RPS6KC1: variants seen among roughly 807,000 people sequenced by gnomAD.
The protein encoded by RPS6KC1 is inactive ribosomal protein S6 kinase delta-1.
A neutral mutation model predicts 103.8 loss-of-function variants in RPS6KC1; 54 were observed. That is an observed-to-expected ratio of 0.52 (90% CI 0.42 to 0.65). RPS6KC1 has a LOEUF of 0.65. Among genes scored for constraint, RPS6KC1 ranks in the 30% least tolerant of loss-of-function variants. The pLI is 0.00. For synonymous variants in RPS6KC1, 439 were observed against 438.7 expected (o/e 1.00, Z -0.01); for missense variants, 1,151 against 1,253.8 (o/e 0.92, Z 1.24).
the RPS6KC1 span, among the ~76,000 whole-genome samples, chr1:213,633,664 A>G: frequency 6.6e-6 from 1 of 151,906 alleles, no homozygotes; most frequent in Non-Finnish European, 1.5e-5. Flanking sequence ...ACCACCTAAT[A>G]TCATAATGAC....
the RPS6KC1 span, among the ~76,000 whole-genome samples, chr1:213,478,342 G>A: frequency 6.6e-6 from 1 of 152,154 alleles, no homozygotes; most frequent in East Asian, 1.9e-4. Context: ...TTTTTGTATG[G>A]ATATAATTTT....
At chr1:213,316,689 G>A in the RPS6KC1 span, among the ~76,000 whole-genome samples, 1 of 149,202 alleles carries the variant, frequency 6.7e-6, no homozygotes, top group East Asian at 1.9e-4. Context: ...AGCAAGGTAG[G>A]TAGGGCATGC....
chr1:213,791,862 G>A, the RPS6KC1 span, among the ~76,000 whole-genome samples: 1 of 152,070 alleles, frequency 6.6e-6, no homozygotes, highest in East Asian at 1.9e-4. Context: ...TTGCTTGTTG[G>A]CATTACCTAC....
chr1:213,549,284 C>A, the RPS6KC1 span, among the ~76,000 whole-genome samples: 1 of 152,122 alleles, frequency 6.6e-6, no homozygotes, highest in Non-Finnish European at 1.5e-5. Flanking sequence ...GAGGAAGGCC[C>A]TCGGTGGAGA....
chr1:213,365,668 A>T, the RPS6KC1 span, among the ~76,000 whole-genome samples: 4 of 152,238 alleles, frequency 2.6e-5, no homozygotes, highest in Admixed American at 1.3e-4. Context: ...TGGGGCTTCC[A>T]GTCCAACAGG....
chr1:213,557,401 G>A, the RPS6KC1 span, among the ~76,000 whole-genome samples: 2 of 152,132 alleles, frequency 1.3e-5, no homozygotes, highest in African/African-American at 4.8e-5. Flanking sequence ...TGGGAGCTTG[G>A]GTGTGTGGAC....
At chr1:213,750,779 C>T in the RPS6KC1 span, among the ~76,000 whole-genome samples, 1 of 152,126 alleles carries the variant, frequency 6.6e-6, no homozygotes, top group African/African-American at 2.4e-5. Flanking sequence ...AACACTTACA[C>T]CCACATATGG....
the RPS6KC1 span, among the ~76,000 whole-genome samples, chr1:213,698,869 C>A: frequency 6.6e-6 from 1 of 151,200 alleles, no homozygotes; most frequent in East Asian, 1.9e-4. Flanking sequence ...TATTAATATC[C>A]CCTTTGTCTT....
At chr1:213,788,526 T>G in the RPS6KC1 span, among the ~76,000 whole-genome samples, 1 of 152,058 alleles carries the variant, frequency 6.6e-6, no homozygotes, top group Admixed American at 6.6e-5. Flanking sequence ...GAAATTCCAT[T>G]TCTTCCCCTG....
At chr1:213,417,516 G>T in the RPS6KC1 span, among the ~76,000 whole-genome samples, 3 of 152,142 alleles carry the variant, frequency 2.0e-5, no homozygotes, top group African/African-American at 2.4e-5. Flanking sequence ...GATGGGGAAG[G>T]TGCAGCCCCC....
At chr1:213,290,480 G>T in the RPS6KC1 span, among the ~76,000 whole-genome samples, 1 of 152,180 alleles carries the variant, frequency 6.6e-6, no homozygotes, top group African/African-American at 2.4e-5. Flanking sequence ...TGGGTGGCAG[G>T]ATGTTTGTGT....
At chr1:213,681,193 T>C in the RPS6KC1 span, among the ~76,000 whole-genome samples, 1 of 152,148 alleles carries the variant, frequency 6.6e-6, no homozygotes, top group African/African-American at 2.4e-5. Flanking sequence ...CTCTGCTCTG[T>C]TCCCCAGACA....
chr1:213,622,343 CAG>C, the RPS6KC1 span, among the ~76,000 whole-genome samples: 1 of 151,256 alleles, frequency 6.6e-6, no homozygotes, highest in African/African-American at 2.4e-5. Flanking sequence ...TTTCTGCTAT[CAG>C]GGGCATTTAT....
At chr1:213,574,257 G>A in the RPS6KC1 span, among the ~76,000 whole-genome samples, 27 of 152,178 alleles carry the variant, frequency 1.8e-4, no homozygotes, top group South Asian at 8.3e-4. Context: ...CCCTCTTGCC[G>A]TTTATTTCTC....
chr1:213,533,227 A>C, the RPS6KC1 span, among the ~76,000 whole-genome samples: 1 of 152,262 alleles, frequency 6.6e-6, no homozygotes, highest in African/African-American at 2.4e-5. Context: ...GAATGGAAAG[A>C]AAAGGTGAGT....
At chr1:213,494,628 A>G in the RPS6KC1 span, among the ~76,000 whole-genome samples, 1 of 152,068 alleles carries the variant, frequency 6.6e-6, no homozygotes, top group East Asian at 1.9e-4. Context: ...GGAGAAAAGG[A>G]TGAAAAATAT....
At chr1:213,510,945 T>G in the RPS6KC1 span, among the ~76,000 whole-genome samples, 1 of 152,118 alleles carries the variant, frequency 6.6e-6, no homozygotes, top group Non-Finnish European at 1.5e-5. Flanking sequence ...TACTTAACTG[T>G]GTGCAAAGAT....
chr1:213,396,927 C>G, the RPS6KC1 span, among the ~76,000 whole-genome samples: 1 of 152,154 alleles, frequency 6.6e-6, no homozygotes, highest in Non-Finnish European at 1.5e-5. Context: ...TCCACGATGG[C>G]CAGGGTGTTG....
chr1:213,289,931 C>G, the RPS6KC1 span, among the ~76,000 whole-genome samples: 2,411 of 151,950 alleles, frequency 0.016, 56 homozygotes, highest in African/African-American at 0.055. Flanking sequence ...CCCAGCTACT[C>G]GGGAGGCTGA....
Sources: allele counts gnomAD v4.1 joint callset (sites outside exome capture counted in the v4.1 genomes callset), GRCh38; gene constraint gnomAD v4.1.1; transcripts MANE v1.5; gene names NCBI Gene and HGNC (gene_info 2026-07-23, HGNC 2026-07-21).